Variants in KIAA0825 observed in about 807,000 individuals in gnomAD.
The protein encoded by KIAA0825 is KIAA0825.
Under a neutral mutation model 147.6 loss-of-function variants are expected in KIAA0825, and 119 were observed. That is an observed-to-expected ratio of 0.81 (90% CI 0.69 to 0.94). KIAA0825 has a LOEUF of 0.94. Among genes scored for constraint, KIAA0825 ranks in the 40% least tolerant of loss-of-function variants. KIAA0825 has a pLI of 0.00. For missense variants in KIAA0825, 1,381 were observed against 1,472.7 expected, an observed-to-expected ratio of 0.94 and a Z score of 1.02; for synonymous variants, 470 against 518.1, an observed-to-expected ratio of 0.91 and a Z score of 1.26.
chr5:94,392,997 T>C (rs1327689626), intron 17 of KIAA0825, among the ~76,000 whole-genome samples: 1 of 151,142 alleles, frequency 6.6e-6, no homozygotes, highest in East Asian at 1.9e-4. Context: ...AAAAAAAAAA[T>C]TCTTGTCGGG....
At chr5:94,164,193 A>G (rs1767823648) in intron 20 of KIAA0825, among the ~76,000 whole-genome samples, 1 of 152,216 alleles carries the variant, frequency 6.6e-6, no homozygotes, top group African/African-American at 2.4e-5. Flanking sequence ...TAGAAATAAA[A>G]CAAAACAATC....
At chr5:94,300,054 A>T in intron 20 of KIAA0825, among the ~76,000 whole-genome samples, 1 of 152,248 alleles carries the variant, frequency 6.6e-6, no homozygotes, top group Admixed American at 6.5e-5. Context: ...TTAAAAATTT[A>T]AATGACAAAA....
chr5:94,429,380 G>GT (rs34949554), intron 14 of KIAA0825, among the ~76,000 whole-genome samples: 28 of 149,836 alleles, frequency 1.9e-4, no homozygotes, highest in African/African-American at 4.7e-4. Context: ...TTCCTAGAAT[G>GT]TTTTTTTTTT....
intron 20 of KIAA0825, among the ~76,000 whole-genome samples, chr5:94,356,694 T>TCC (rs1784301322): frequency 6.6e-6 from 1 of 150,548 alleles, no homozygotes; most frequent in Non-Finnish European, 1.5e-5. Context: ...CAGACAAAAA[T>TCC]ACACATCAAA....
chr5:94,214,646 C>T (rs564021096), intron 20 of KIAA0825, among the ~76,000 whole-genome samples: 1 of 152,170 alleles, frequency 6.6e-6, no homozygotes, highest in Non-Finnish European at 1.5e-5. Flanking sequence ...GTAAATATAA[C>T]CCTGTCTGAT....
At chr5:94,293,100 TCTC>T (rs1216978292) in intron 20 of KIAA0825, among the ~76,000 whole-genome samples, 2 of 152,146 alleles carry the variant, frequency 1.3e-5, no homozygotes, top group Non-Finnish European at 2.9e-5. Flanking sequence ...GTTTTACACG[TCTC>T]TATCTCCTTC....
chr5:94,421,713 T>C (rs1216129600), intron 14 of KIAA0825, among the ~76,000 whole-genome samples: 1 of 152,190 alleles, frequency 6.6e-6, no homozygotes, highest in South Asian at 2.1e-4. Flanking sequence ...TATATCAATC[T>C]AAACTCCTCT....
At chr5:94,578,698 T>G (rs552397904) in intron 2 of KIAA0825, among the ~76,000 whole-genome samples, 3 of 152,300 alleles carry the variant, frequency 2.0e-5, no homozygotes, top group South Asian at 4.1e-4. Flanking sequence ...TAAAAGATAC[T>G]TAATTCTAAA....
At chr5:94,416,740 G>C (rs1372924605) in intron 15 of KIAA0825, 1 of 159,192 alleles carries the variant, frequency 6.3e-6, no homozygotes, top group East Asian at 1.8e-4. Context: ...CACAGGATAT[G>C]CTTGCCTTGT....
chr5:94,562,925 G>C (rs1466136260), intron 2 of KIAA0825, among the ~76,000 whole-genome samples: 2 of 152,072 alleles, frequency 1.3e-5, no homozygotes, highest in South Asian at 2.1e-4. Context: ...TAAATATCTA[G>C]AACACATTCT....
chr5:94,520,449 C>G lies in KIAA0825; in HGVS notation c.769G>C (p.Glu257Gln). The G allele has an allele frequency of 1.2e-6, 2 of 1,612,664 alleles. No homozygotes were observed. Among genetic ancestry groups the G allele is most frequent in the Non-Finnish European group, 1.7e-6 (2 of 1,179,018 alleles). The stretch of plus-strand genomic sequence containing the variant: ...ATTTCACATAGTGTGTTAAAATCCT[C>G]TTTTATTACTGAGTATAACTTAAGC... Reference protein sequence around the residue: ...TMLKLYSVIKEDFNTLCEILA... With the variant: ...TMLKLYSVIKQDFNTLCEILA... The change falls in exon 5 of 21, where the codon GAG (glutamate) becomes CAG (glutamine). Residue 257 changes from glutamate (E) to glutamine (Q), a missense_variant. Coordinates refer to ENST00000682413, the MANE Select transcript of KIAA0825 (RefSeq NM_001145678.3).
chr5:94,477,034 C>A, intron 7 of KIAA0825, 77 bp downstream of exon 7: 1 of 1,064,626 alleles, frequency 9.4e-7, no homozygotes, highest in Non-Finnish European at 1.4e-6. Flanking sequence ...CTCAAGACAT[C>A]TTGATTCATA....
rs184062685 is a variant in KIAA0825, at chr5:94,278,598, A to G, written c.3710+105770T>C. ...GAGTTAGCCTTTTTCTTAGTCAGGT[A>G]CCCTGAGTTCAGAGCTCCATCAGTG... On this transcript the variant is annotated intron_variant, in intron 20 of 20. Transcript: ENST00000682413. Among the ~76,000 whole-genome samples, 26 of 152,206 alleles carry G rather than the reference A, an allele frequency of 1.7e-4. No individual in the cohort carries two copies. The South Asian group carries it at 2.3e-3, about 13-fold the overall frequency.
intron 20 of KIAA0825, among the ~76,000 whole-genome samples, chr5:94,382,379 A>T (rs1748533664): frequency 6.6e-6 from 1 of 152,230 alleles, no homozygotes; most frequent in East Asian, 1.9e-4. Flanking sequence ...AGAGGGTGTC[A>T]TCGAGAAACT....
Position 94,473,519 on chromosome 5 carries a change from C to A in KIAA0825, c.1228G>T (p.Ala410Ser), listed in dbSNP as rs1761471292. 6.5e-7 allele frequency: 1 copy of A among 1,536,974 alleles called. No individual in the cohort carries two copies. The highest frequency in any genetic ancestry group is 1.4e-5 in the African/African-American group (1 of 72,698). Residue 410 changes from alanine to serine, a missense_variant and splice_region_variant, in exon 8 of 21, where the codon GCT becomes TCT. Ala to Ser is a moderately conservative substitution (Grantham distance 99, BLOSUM62 1). Transcript: ENST00000682413. The part of the protein sequence containing the change: ...PSEQSLPGKE[A>S]TLLDFGWRSA... ...CTCCAGCCAAAATCTAGTAAGGTAGCCTGAAATATCAATGTATATGAAGTC... is the reference window on the plus strand; with the variant it reads ...CTCCAGCCAAAATCTAGTAAGGTAGACTGAAATATCAATGTATATGAAGTC...
chr5:94,386,034 C>T (rs1749095168), intron 19 of KIAA0825, among the ~76,000 whole-genome samples: 1 of 152,110 alleles, frequency 6.6e-6, no homozygotes, highest in Non-Finnish European at 1.5e-5. Context: ...TTAAGTTTTA[C>T]AGACCAAACA....
At chr5:94,601,992 T>G (rs1182757177) in intron 1 of KIAA0825, among the ~76,000 whole-genome samples, 1 of 152,192 alleles carries the variant, frequency 6.6e-6, no homozygotes, top group Non-Finnish European at 1.5e-5. Flanking sequence ...CCATGAGAAC[T>G]TCCACAACCT....
chr5:94,164,972 C>A (rs1424582598), intron 20 of KIAA0825, among the ~76,000 whole-genome samples: 3 of 151,988 alleles, frequency 2.0e-5, no homozygotes, highest in Admixed American at 1.3e-4. Context: ...TGAACAATAC[C>A]CCACAAGCAC....
At chr5:94,490,869 C>A (rs1290987646) in intron 5 of KIAA0825, among the ~76,000 whole-genome samples, 1 of 152,158 alleles carries the variant, frequency 6.6e-6, no homozygotes, top group African/African-American at 2.4e-5. Context: ...GAAAATAAAT[C>A]TAGAGGGACA....
Sources: gnomAD v4.1 joint callset for allele counts (sites outside exome capture counted in the v4.1 genomes callset) on GRCh38, gnomAD v4.1.1 for gene constraint, MANE v1.5 for transcripts, NCBI Gene and HGNC (gene_info 2026-07-23, HGNC 2026-07-21) for gene names.